The following CFAP299 variants were observed in gnomAD, a reference collection of about 807,000 sequenced individuals.
CFAP299 encodes cilia- and flagella-associated protein 299.
In CFAP299, 21 loss-of-function variants were observed where a neutral mutation model predicts 27.0. That is an observed-to-expected ratio of 0.78 (90% CI 0.55 to 1.12). CFAP299 has a LOEUF of 1.12. Among genes scored for constraint, CFAP299 ranks in the 50% most tolerant of loss-of-function variants. CFAP299 has a pLI of 0.00. For synonymous variants in CFAP299, 104 were observed against 98.1 expected, an observed-to-expected ratio of 1.06 and a Z score of -0.36; for missense variants, 310 against 276.6, an observed-to-expected ratio of 1.12 and a Z score of -0.86.
At chr4:80,566,253 G>C (rs1735277109) in intron 2 of CFAP299, among the ~76,000 whole-genome samples, 1 of 152,002 alleles carries the variant, frequency 6.6e-6, no homozygotes, top group Non-Finnish European at 1.5e-5. Context: ...TATACAGAGG[G>C]TATCATGCAA....
intron 3 of CFAP299, among the ~76,000 whole-genome samples, chr4:80,735,294 T>C (rs1392053902): frequency 6.6e-6 from 1 of 152,172 alleles, no homozygotes; most frequent in African/African-American, 2.4e-5. Flanking sequence ...TGAATTTGTA[T>C]ACTGCAACAT....
intron 3 of CFAP299, among the ~76,000 whole-genome samples, chr4:80,609,910 G>A (rs933951653): frequency 6.6e-6 from 1 of 152,036 alleles, no homozygotes; most frequent in African/African-American, 2.4e-5. Context: ...GTGAAAAGAA[G>A]CTAAAAATTC....
chr4:80,934,746 T>C (rs1048071782), intron 4 of CFAP299, among the ~76,000 whole-genome samples: 5 of 152,062 alleles, frequency 3.3e-5, no homozygotes, highest in African/African-American at 1.2e-4. Context: ...GTCTTCTCTT[T>C]CATTTCTAAC....
At chr4:80,456,147 C>T (rs188404635) in intron 2 of CFAP299, among the ~76,000 whole-genome samples, 1 of 152,010 alleles carries the variant, frequency 6.6e-6, no homozygotes, top group Admixed American at 6.6e-5. Context: ...TTAGGAAAAG[C>T]CAAACCCCAT....
intron 3 of CFAP299, among the ~76,000 whole-genome samples, chr4:80,770,262 T>C (rs889813046): frequency 2.0e-5 from 3 of 152,234 alleles, no homozygotes; most frequent in African/African-American, 7.2e-5. Flanking sequence ...TTCTTCATTT[T>C]TTGTTCCTCT....
intron 2 of CFAP299, among the ~76,000 whole-genome samples, chr4:80,554,084 G>A (rs1734671149): frequency 6.6e-6 from 1 of 151,986 alleles, no homozygotes; most frequent in African/African-American, 2.4e-5. Context: ...TGTCCAGGAT[G>A]GTATTGCCTA....
chr4:80,517,086 C>G (rs1732625499), intron 2 of CFAP299, among the ~76,000 whole-genome samples: 1 of 152,138 alleles, frequency 6.6e-6, no homozygotes, highest in African/African-American at 2.4e-5. Context: ...GATTTAGCAG[C>G]AAGAAGTTCA....
chr4:80,904,449 C>T (rs1367548282), intron 4 of CFAP299, among the ~76,000 whole-genome samples: 1 of 152,006 alleles, frequency 6.6e-6, no homozygotes, highest in African/African-American at 2.4e-5. Flanking sequence ...ATGGGGAACC[C>T]TTTTTAACAA....
At chr4:80,650,463 G>A (rs1047125712) in intron 3 of CFAP299, among the ~76,000 whole-genome samples, 1 of 151,944 alleles carries the variant, frequency 6.6e-6, no homozygotes, top group Admixed American at 6.6e-5. Context: ...TCCAGCGCAT[G>A]ATCTTAATGA....
intron 2 of CFAP299, among the ~76,000 whole-genome samples, chr4:80,434,315 G>A (rs1727961197): frequency 6.6e-6 from 1 of 152,116 alleles, no homozygotes; most frequent in South Asian, 2.1e-4. Flanking sequence ...CTTAATGAAA[G>A]GACTCTTGTT....
intron 2 of CFAP299, among the ~76,000 whole-genome samples, chr4:80,497,993 A>C (rs1396651642): frequency 6.6e-6 from 1 of 152,194 alleles, no homozygotes; most frequent in Non-Finnish European, 1.5e-5. Context: ...AAGTTGACAA[A>C]AACAAGCAGT....
intron 2 of CFAP299, among the ~76,000 whole-genome samples, chr4:80,398,655 G>A (rs1725956447): frequency 6.6e-6 from 1 of 152,122 alleles, no homozygotes; most frequent in Non-Finnish European, 1.5e-5. Flanking sequence ...AGCTGAAACT[G>A]GATCCCTTCC....
intron 2 of CFAP299, among the ~76,000 whole-genome samples, chr4:80,410,130 A>C (rs1726649343): frequency 2.0e-5 from 3 of 152,220 alleles, no homozygotes; most frequent in African/African-American, 7.2e-5. Context: ...GAAGATGCAG[A>C]ACAGATGTTC....
chr4:80,550,061 A>G (rs1421966017), intron 2 of CFAP299, among the ~76,000 whole-genome samples: 2 of 151,888 alleles, frequency 1.3e-5, no homozygotes, highest in Non-Finnish European at 2.9e-5. Context: ...TCCCCAAAAT[A>G]TCTTTGTACT....
intron 4 of CFAP299, among the ~76,000 whole-genome samples, chr4:80,923,575 T>C (rs922599291): frequency 1.3e-5 from 2 of 152,058 alleles, no homozygotes; most frequent in African/African-American, 4.8e-5. Flanking sequence ...CATCCTATTA[T>C]ATTATGAGCA....
chr4:80,729,077 A>T (rs199940377), intron 3 of CFAP299, among the ~76,000 whole-genome samples: 2 of 152,100 alleles, frequency 1.3e-5, no homozygotes, highest in East Asian at 3.9e-4. Context: ...TTTCTACCCT[A>T]AGTATGTATC....
intron 4 of CFAP299, among the ~76,000 whole-genome samples, chr4:80,934,843 T>A (rs1373764721): frequency 6.6e-6 from 1 of 152,042 alleles, no homozygotes; most frequent in African/African-American, 2.4e-5. Context: ...GCTTTTGGTT[T>A]CATTTATCTT....
intron 4 of CFAP299, among the ~76,000 whole-genome samples, chr4:80,899,903 G>A (rs190133073): frequency 2.0e-5 from 3 of 152,236 alleles, no homozygotes; most frequent in Non-Finnish European, 4.4e-5. Context: ...CATTGGAAAT[G>A]TTTAAGAAGA....
At chr4:80,890,652 G>A (rs932292794) in intron 4 of CFAP299, among the ~76,000 whole-genome samples, 1 of 149,318 alleles carries the variant, frequency 6.7e-6, no homozygotes, top group Non-Finnish European at 1.5e-5. Flanking sequence ...TTCCACAATG[G>A]TTGAACTAGT....
Sources: gnomAD v4.1 joint callset for allele counts (sites outside exome capture counted in the v4.1 genomes callset) on GRCh38, gnomAD v4.1.1 for gene constraint, MANE v1.5 for transcripts, NCBI Gene and HGNC (gene_info 2026-07-23, HGNC 2026-07-21) for gene names.